Variants in MIPEP observed in about 807,000 individuals in gnomAD.
The protein encoded by MIPEP is mitochondrial intermediate peptidase.
Under a neutral mutation model 90.3 loss-of-function variants are expected in MIPEP, and 79 were observed. The observed-to-expected ratio is 0.87, with a 90% confidence interval of 0.73 to 1.05. The LOEUF (loss-of-function observed/expected upper bound fraction) is 1.05. Ranked by LOEUF, MIPEP falls within the 50% of genes least tolerant of loss-of-function variation. MIPEP has a pLI of 0.00. For missense variants in MIPEP, 940 were observed against 905.6 expected (o/e 1.04, Z -0.49); for synonymous variants, 334 against 315.8 (o/e 1.06, Z -0.61).
At chr13:23,883,717 A>G (rs1871355827) in intron 2 of MIPEP, among the ~76,000 whole-genome samples, 1 of 152,238 alleles carries the variant, frequency 6.6e-6, no homozygotes, top group Non-Finnish European at 1.5e-5. Context: ...TTGACTCCAC[A>G]GATCCCCCAA....
At chr13:23,735,859 G>GT (rs1952257146) in intron 18 of MIPEP, among the ~76,000 whole-genome samples, 1 of 151,738 alleles carries the variant, frequency 6.6e-6, no homozygotes, top group Non-Finnish European at 1.5e-5. Flanking sequence ...AGATTTAAAT[G>GT]TTCTGCGAGT....
At chr13:23,764,433 A>C (rs760306994) in intron 16 of MIPEP, among the ~76,000 whole-genome samples, 1 of 152,234 alleles carries the variant, frequency 6.6e-6, no homozygotes, top group Non-Finnish European at 1.5e-5. Context: ...GAAAGGTAGC[A>C]ATGAGCCATT....
chr13:23,837,787 G>C, intron 12 of MIPEP, 31 bp from the exon 13 acceptor site: 1 of 1,548,498 alleles, frequency 6.5e-7, no homozygotes, highest in South Asian at 1.1e-5. Context: ...AAAAGGAAAA[G>C]AAAGTATTTG....
In MIPEP at chr13:23,747,763, C is replaced by T. The variant is rs575490875; in HGVS notation, c.2044+8782G>A. Among the ~76,000 whole-genome samples, 11 of 152,250 alleles carry T rather than the reference C, an allele frequency of 7.2e-5. No individual in the cohort carries two copies. The South Asian group carries it at 2.1e-3, about 29-fold the overall frequency. ...CTTTTTGTTGTTGTTGTTGTTGAGA[C>T]GGGGTCTCGCTCTGTTGCCCGCACT... On this transcript the variant is annotated intron_variant, in intron 18 of 18. Coordinates refer to ENST00000382172, the MANE Select transcript of MIPEP (RefSeq NM_005932.4).
intron 9 of MIPEP, among the ~76,000 whole-genome samples, chr13:23,861,276 C>A (rs147488072): frequency 1.3e-3 from 195 of 152,300 alleles, no homozygotes; most frequent in African/African-American, 4.5e-3. Flanking sequence ...AAGTCATATT[C>A]ACTTTTACTG....
intron 16 of MIPEP, among the ~76,000 whole-genome samples, chr13:23,783,713 G>A (rs1490308153): frequency 2.6e-5 from 4 of 152,204 alleles, no homozygotes; most frequent in Non-Finnish European, 2.9e-5. Flanking sequence ...CATTGTCTTA[G>A]TCCAAAATCT....
intron 10 of MIPEP, among the ~76,000 whole-genome samples, chr13:23,855,715 T>A (rs971622609): frequency 6.6e-6 from 1 of 152,238 alleles, no homozygotes; most frequent in African/African-American, 2.4e-5. Flanking sequence ...AAATAGATTT[T>A]TAAAACCCGA....
At chr13:23,853,734 G>A (rs1226873397) in intron 10 of MIPEP, among the ~76,000 whole-genome samples, 1 of 151,210 alleles carries the variant, frequency 6.6e-6, no homozygotes, top group Non-Finnish European at 1.5e-5. Context: ...CTAATTTTTT[G>A]TTGTTGTATT....
At chr13:23,751,926 A>AG (rs1272708664) in intron 18 of MIPEP, among the ~76,000 whole-genome samples, 8 of 148,278 alleles carry the variant, frequency 5.4e-5, no homozygotes, top group Admixed American at 5.3e-4. Flanking sequence ...TGCGACATTA[A>AG]AAAAAAAAAA....
At chr13:23,734,594 C>T (rs1952239841) in intron 18 of MIPEP, among the ~76,000 whole-genome samples, 1 of 152,024 alleles carries the variant, frequency 6.6e-6, no homozygotes, top group African/African-American at 2.4e-5. Context: ...CTTGGGACCT[C>T]AAGAGGAGAG....
intron 14 of MIPEP, among the ~76,000 whole-genome samples, chr13:23,829,536 T>G (rs574440518): frequency 1.3e-5 from 2 of 152,092 alleles, no homozygotes; most frequent in Non-Finnish European, 2.9e-5. Flanking sequence ...GACATATGCC[T>G]AAAAAGGATT....
chr13:23,753,893 T>C (rs1302770867), intron 18 of MIPEP, among the ~76,000 whole-genome samples: 1 of 152,190 alleles, frequency 6.6e-6, no homozygotes, highest in African/African-American at 2.4e-5. Flanking sequence ...AGAGCACAAA[T>C]ATGAATACAA....
chr13:23,741,658 C>T (rs192439732), intron 18 of MIPEP, among the ~76,000 whole-genome samples: 5 of 151,132 alleles, frequency 3.3e-5, no homozygotes, highest in Non-Finnish European at 5.9e-5. Context: ...CACACGCTGA[C>T]GCCTATGTGA....
At chr13:23,763,365 T>C (rs531840487) in intron 16 of MIPEP, among the ~76,000 whole-genome samples, 1 of 152,324 alleles carries the variant, frequency 6.6e-6, no homozygotes, top group East Asian at 1.9e-4. Flanking sequence ...GATAAGCGTC[T>C]CTCAGGGTGG....
chr13:23,854,711 G>A (rs1315393651), intron 10 of MIPEP, among the ~76,000 whole-genome samples: 1 of 151,922 alleles, frequency 6.6e-6, no homozygotes, highest in Non-Finnish European at 1.5e-5. Context: ...GGCCAAAACG[G>A]TGAAACTCTG....
At chr13:23,831,383 C>CGGGGGCGCG (rs1555237544) in intron 14 of MIPEP, among the ~76,000 whole-genome samples, 1 of 40,856 alleles carries the variant, frequency 2.4e-5, no homozygotes, top group Non-Finnish European at 5.9e-5. Flanking sequence ...TTCCCCATGG[C>CGGGGGCGCG]GGGGGGGGGA....
At chr13:23,779,792 G>T (rs1406605925) in intron 16 of MIPEP, among the ~76,000 whole-genome samples, 1 of 152,194 alleles carries the variant, frequency 6.6e-6, no homozygotes, top group Non-Finnish European at 1.5e-5. Flanking sequence ...CTTAGCAAAC[G>T]GCACACGAGG....
intron 9 of MIPEP, 47 bp from the exon 10 acceptor site, chr13:23,858,959 T>C (rs750636700): frequency 7.1e-6 from 11 of 1,547,836 alleles, no homozygotes; most frequent in African/African-American, 5.4e-5. Flanking sequence ...GACTCTTTCA[T>C]AGTTTTTATC....
chr13:23,739,605 C>T (rs981867478), intron 18 of MIPEP, among the ~76,000 whole-genome samples: 6 of 152,124 alleles, frequency 3.9e-5, no homozygotes, highest in African/African-American at 1.4e-4. Flanking sequence ...ATGATTTCTG[C>T]CAAAGTGGGC....
Sources: gnomAD v4.1 joint callset for allele counts (sites outside exome capture counted in the v4.1 genomes callset) on GRCh38, gnomAD v4.1.1 for gene constraint, MANE v1.5 for transcripts, NCBI Gene and HGNC (gene_info 2026-07-23, HGNC 2026-07-21) for gene names.